The following MDGA2 variants were observed in gnomAD, a reference collection of about 807,000 sequenced individuals.
MDGA2 encodes the protein MAM domain-containing glycosylphosphatidylinositol anchor protein 2.
Under a neutral mutation model 117.8 loss-of-function variants are expected in MDGA2, and 40 were observed. That is an observed-to-expected ratio of 0.34 (90% CI 0.26 to 0.44). The LOEUF (loss-of-function observed/expected upper bound fraction) is 0.44, where lower values mean the gene tolerates loss of function less well. Ranked by LOEUF, MDGA2 falls within the 20% of genes least tolerant of loss-of-function variation. MDGA2 has a pLI of 1.00. For synonymous variants in MDGA2, 452 were observed against 439.0 expected (o/e 1.03, Z -0.37); for missense variants, 1,123 against 1,250.6 (o/e 0.90, Z 1.54).
At chr14:47,540,554 G>T (rs151320389) in intron 1 of MDGA2, among the ~76,000 whole-genome samples, 1 of 103,520 alleles carries the variant, frequency 9.7e-6, no homozygotes, top group African/African-American at 3.7e-5. Flanking sequence ...ATATATATAT[G>T]TATATATATA....
chr14:47,229,854 C>CAGG (rs1246949613), intron 2 of MDGA2, among the ~76,000 whole-genome samples: 1 of 151,884 alleles, frequency 6.6e-6, no homozygotes, highest in Non-Finnish European at 1.5e-5. Flanking sequence ...TTAATAAATA[C>CAGG]AGGAGGATAT....
chr14:47,660,795 T>A (rs1392958102), intron 1 of MDGA2, among the ~76,000 whole-genome samples: 2 of 152,254 alleles, frequency 1.3e-5, no homozygotes, highest in African/African-American at 4.8e-5. Flanking sequence ...TGGAGGAATA[T>A]AACTACTTCT....
At chr14:47,492,339 A>C (rs182544828) in intron 1 of MDGA2, among the ~76,000 whole-genome samples, 13 of 152,260 alleles carry the variant, frequency 8.5e-5, no homozygotes, top group African/African-American at 2.9e-4. Context: ...CATTAGACAA[A>C]GATTTAAGTC....
intron 6 of MDGA2, among the ~76,000 whole-genome samples, chr14:47,062,377 G>T (rs144284534): frequency 2.0e-5 from 3 of 151,970 alleles, no homozygotes; most frequent in African/African-American, 7.2e-5. Context: ...CTACCAAAAG[G>T]CTGCCAAGGG....
chr14:47,347,066 C>G (rs8004200), intron 1 of MDGA2, among the ~76,000 whole-genome samples: 84,434 of 151,918 alleles, frequency 0.56, 23,708 homozygotes, highest in Admixed American at 0.68. Flanking sequence ...TGCATGGCTG[C>G]TTCTAAAGTA....
At chr14:47,199,307 C>CA (rs1885405160) in intron 3 of MDGA2, among the ~76,000 whole-genome samples, 1 of 152,072 alleles carries the variant, frequency 6.6e-6, no homozygotes, top group African/African-American at 2.4e-5. Context: ...TCCCATCTTC[C>CA]AATTCAACAT....
In MDGA2 at chr14:46,855,039, T is replaced by G; in HGVS notation, c.2868A>C (p.Pro956=). The G allele has an allele frequency of 6.2e-7, 1 of 1,600,166 alleles. No homozygotes were observed. Residue 956 remains proline (P), a synonymous_variant, in exon 15 of 17, where the codon CCA becomes CCC. Coordinates refer to ENST00000399232, the MANE Select transcript of MDGA2 (RefSeq NM_001113498.3). This position sits in a 1 kb window ranked among gnomAD's most constrained non-coding sequence, Gnocchi z 4.1. ...RWNEAHVNIY[P]ITSFQLIFEG... ...CTTTTCTTACCTGAAATGAAGTAAT[T>G]GGGTATATATTAACATGAGCCTCAT...
intron 1 of MDGA2, among the ~76,000 whole-genome samples, chr14:47,515,293 T>C (rs2138701670): frequency 2.0e-5 from 3 of 152,276 alleles, no homozygotes; most frequent in Admixed American, 2.0e-4. Context: ...CACAGTAATT[T>C]TCAGTAATGC....
rs1245790211 is a variant in MDGA2, at chr14:46,840,331, A to G, written c.*1600T>C. 1 of 152,372 alleles carries G rather than the reference A, an allele frequency of 6.6e-6. No homozygotes were observed. The highest frequency in any genetic ancestry group is 1.5e-5 in the Non-Finnish European group (1 of 67,952). The allele number at this position is 152,372 out of a possible 1,614,324, so 9.4% of individuals were successfully genotyped here. ...TGGGGTGTTGAAAGAACATATAATA[A>G]TAATATTCTTCTTAGACAAAAGTCT... On this transcript the variant is annotated 3_prime_UTR_variant, in exon 17 of 17. Coordinates refer to ENST00000399232, the MANE Select transcript of MDGA2 (RefSeq NM_001113498.3).
intron 10 of MDGA2, among the ~76,000 whole-genome samples, chr14:46,890,720 C>G (rs1052147837): frequency 6.6e-6 from 1 of 151,976 alleles, no homozygotes; most frequent in African/African-American, 2.4e-5. Context: ...AAATGAAAGG[C>G]CTTGCAAGTA....
intron 6 of MDGA2, among the ~76,000 whole-genome samples, chr14:47,081,511 T>C (rs550738889): frequency 6.6e-6 from 1 of 152,114 alleles, no homozygotes; most frequent in Non-Finnish European, 1.5e-5. Flanking sequence ...TCAGGAAAAT[T>C]AGGCAGAGAA....
At chr14:47,248,849 C>G (rs17574452) in intron 2 of MDGA2, among the ~76,000 whole-genome samples, 9,992 of 151,958 alleles carry the variant, frequency 0.066, 365 homozygotes, top group Non-Finnish European at 0.076. Context: ...GCTATAAGAA[C>G]TCAGAAAAAA....
intron 1 of MDGA2, among the ~76,000 whole-genome samples, chr14:47,467,208 T>C (rs1893622109): frequency 6.6e-6 from 1 of 151,900 alleles, no homozygotes; most frequent in African/African-American, 2.4e-5. Context: ...GGAGGAAAAA[T>C]AGAGCCTCTT....
chr14:47,045,638 G>T (rs1365325922), intron 7 of MDGA2, among the ~76,000 whole-genome samples: 2 of 151,898 alleles, frequency 1.3e-5, no homozygotes, highest in Admixed American at 1.3e-4. Flanking sequence ...GAGGGAATAG[G>T]GACTCTACAA....
At chr14:47,169,378 C>CAT (rs988153001) in intron 3 of MDGA2, among the ~76,000 whole-genome samples, 2 of 151,470 alleles carry the variant, frequency 1.3e-5, no homozygotes, top group Admixed American at 6.6e-5. Context: ...GTTACCTTTT[C>CAT]ATATATATAT....
intron 9 of MDGA2, among the ~76,000 whole-genome samples, chr14:46,950,555 C>T (rs1265726966): frequency 6.6e-6 from 1 of 151,910 alleles, no homozygotes; most frequent in African/African-American, 2.4e-5. Context: ...ATCCACTAGT[C>T]CATCTGTTAT....
At chr14:47,428,582 T>A (rs759724582) in intron 1 of MDGA2, among the ~76,000 whole-genome samples, 2 of 152,120 alleles carry the variant, frequency 1.3e-5, no homozygotes, top group Admixed American at 6.6e-5. Context: ...TCTACATATA[T>A]GTTTTGTATT....
intron 1 of MDGA2, among the ~76,000 whole-genome samples, chr14:47,522,501 T>C (rs1304564980): frequency 6.6e-6 from 1 of 152,126 alleles, no homozygotes; most frequent in Admixed American, 6.6e-5. Flanking sequence ...TTTGCTACCA[T>C]CTGACCACAG....
intron 8 of MDGA2, among the ~76,000 whole-genome samples, chr14:46,958,100 G>C (rs985581662): frequency 1.3e-5 from 2 of 152,128 alleles, no homozygotes; most frequent in Non-Finnish European, 2.9e-5. Context: ...TTACAAAACT[G>C]TATGAAAAAT....
Sources: allele counts gnomAD v4.1 joint callset (sites outside exome capture counted in the v4.1 genomes callset), GRCh38; gene constraint gnomAD v4.1.1; non-coding constraint Gnocchi (gnomAD v3.1); transcripts MANE v1.5; gene names NCBI Gene and HGNC (gene_info 2026-07-23, HGNC 2026-07-21).